EDIL3: variants seen among roughly 807,000 people sequenced by gnomAD.
The protein encoded by EDIL3 is EGF-like repeat and discoidin I-like domain-containing protein 3.
EDIL3 carries 37 observed loss-of-function variants against 67.4 expected under a neutral mutation model. That is an observed-to-expected ratio of 0.55 (90% CI 0.42 to 0.72). The LOEUF is 0.72. Ranked by LOEUF, EDIL3 falls within the 30% of genes least tolerant of loss-of-function variation. EDIL3 has a pLI of 0.00. For synonymous variants in EDIL3, 195 were observed against 196.3 expected, an observed-to-expected ratio of 0.99 and a Z score of 0.05; for missense variants, 527 against 586.3, an observed-to-expected ratio of 0.90 and a Z score of 1.04.
At chr5:84,111,510 C>A (rs1407072628) in intron 5 of EDIL3, among the ~76,000 whole-genome samples, 1 of 152,150 alleles carries the variant, frequency 6.6e-6, no homozygotes, top group Non-Finnish European at 1.5e-5. Context: ...TTTATTGAAG[C>A]CCTTCTACAT....
At chr5:84,132,839 TATG>T (rs1485051155) in intron 5 of EDIL3, among the ~76,000 whole-genome samples, 2 of 151,768 alleles carry the variant, frequency 1.3e-5, no homozygotes, top group African/African-American at 2.4e-5. Context: ...ACTGGATAAT[TATG>T]ATATTTGGAA....
chr5:84,087,965 A>ACCCTTCAAGAAGTC (rs1320601629), intron 6 of EDIL3, among the ~76,000 whole-genome samples: 49 of 152,308 alleles, frequency 3.2e-4, no homozygotes, highest in African/African-American at 1.2e-3. Flanking sequence ...AGAATGAAGT[A>ACCCTTCAAGAAGTC]CCCTTCAAGA....
At chr5:84,198,970 G>A (rs766889490) in intron 3 of EDIL3, among the ~76,000 whole-genome samples, 4 of 152,112 alleles carry the variant, frequency 2.6e-5, no homozygotes, top group South Asian at 4.1e-4. Flanking sequence ...TAAGACCTCC[G>A]TGTAAAGAAC....
intron 1 of EDIL3, among the ~76,000 whole-genome samples, chr5:84,293,077 G>A (rs1004770277): frequency 2.6e-5 from 4 of 152,010 alleles, no homozygotes; most frequent in African/African-American, 9.7e-5. Context: ...CCTTTTATGG[G>A]CTGACCCCTC....
intron 1 of EDIL3, among the ~76,000 whole-genome samples, chr5:84,263,185 G>T (rs1225365411): frequency 6.6e-6 from 1 of 152,168 alleles, no homozygotes; most frequent in African/African-American, 2.4e-5. Context: ...GTCCAAGAAA[G>T]CATGAGAGAG....
intron 4 of EDIL3, among the ~76,000 whole-genome samples, chr5:84,146,053 T>C (rs759560271): frequency 4.6e-5 from 7 of 152,146 alleles, no homozygotes; most frequent in Non-Finnish European, 1.0e-4. Context: ...ATTCTGTTTA[T>C]AATTTTACAG....
chr5:84,048,895 C>A (rs1727928707), intron 9 of EDIL3, among the ~76,000 whole-genome samples: 2 of 152,082 alleles, frequency 1.3e-5, no homozygotes, highest in Admixed American at 1.3e-4. Context: ...CAATTAATAG[C>A]ATGATCATTA....
Position 84,249,210 on chromosome 5 carries a change from G to A in EDIL3, c.196+4874C>T, listed in dbSNP as rs372720489. 2.3e-4 allele frequency among the ~76,000 whole-genome samples: 35 copies of A among 151,896 alleles called. No homozygotes were observed. In the South Asian group the frequency reaches 7.1e-3, roughly 31 times the overall value. ...CTGTCTGGAATAGGTTTTGTTGTTT[G>A]TTGTAGTTTTTAGTCTGCAATAGAT... On this transcript the variant is annotated intron_variant, in intron 2 of 10. Coordinates refer to ENST00000296591, the MANE Select transcript of EDIL3 (RefSeq NM_005711.5).
chr5:83,969,183 C>T (rs1744748770), intron 9 of EDIL3, among the ~76,000 whole-genome samples: 1 of 151,526 alleles, frequency 6.6e-6, no homozygotes, highest in Non-Finnish European at 1.5e-5. Flanking sequence ...TATATATGTA[C>T]TTATTTATAC....
intron 9 of EDIL3, among the ~76,000 whole-genome samples, chr5:83,979,093 A>AATTACAGAC (rs1394014152): frequency 1.3e-5 from 2 of 152,114 alleles, no homozygotes; most frequent in African/African-American, 4.8e-5. Context: ...CCCATAGAAA[A>AATTACAGAC]ATTACAGACA....
intron 1 of EDIL3, among the ~76,000 whole-genome samples, chr5:84,266,461 C>A (rs1305368159): frequency 1.3e-5 from 2 of 152,176 alleles, no homozygotes; most frequent in African/African-American, 2.4e-5. Flanking sequence ...TGGTTGAATT[C>A]TCTACACAGT....
At chr5:84,183,524 T>G (rs1749050785) in intron 3 of EDIL3, among the ~76,000 whole-genome samples, 1 of 152,198 alleles carries the variant, frequency 6.6e-6, no homozygotes. Context: ...GGAGATCACT[T>G]AATCCAACTT....
chr5:84,370,927 G>C (rs1480436044), intron 1 of EDIL3, among the ~76,000 whole-genome samples: 1 of 152,050 alleles, frequency 6.6e-6, no homozygotes, highest in South Asian at 2.1e-4. Flanking sequence ...ATGCATGCAT[G>C]CATGCATGCA....
intron 10 of EDIL3, among the ~76,000 whole-genome samples, chr5:83,954,738 T>C (rs1003065733): frequency 6.6e-6 from 1 of 151,756 alleles, no homozygotes; most frequent in Non-Finnish European, 1.5e-5. Flanking sequence ...ACTTAAACTA[T>C]CAAAATAATG....
At chr5:84,382,900 A>G (rs1460150889) in intron 1 of EDIL3, among the ~76,000 whole-genome samples, 1 of 152,024 alleles carries the variant, frequency 6.6e-6, no homozygotes, top group Non-Finnish European at 1.5e-5. Flanking sequence ...AGGCCCAGGC[A>G]AGGCGCGGCC....
At chr5:84,037,104 T>C (rs958924462) in intron 9 of EDIL3, among the ~76,000 whole-genome samples, 1 of 152,158 alleles carries the variant, frequency 6.6e-6, no homozygotes, top group African/African-American at 2.4e-5. Context: ...CATCAAGGTA[T>C]GCCCCAGCAT....
At chr5:84,217,358 T>C (rs1744249356) in intron 3 of EDIL3, among the ~76,000 whole-genome samples, 1 of 152,230 alleles carries the variant, frequency 6.6e-6, no homozygotes. Context: ...TTTCTGGTTC[T>C]CTGAGATAGT....
At chr5:84,123,550 T>C (rs906593988) in intron 5 of EDIL3, among the ~76,000 whole-genome samples, 9 of 151,968 alleles carry the variant, frequency 5.9e-5, no homozygotes, top group Non-Finnish European at 1.0e-4. Context: ...AATAAATCAA[T>C]TGATTATGTT....
chr5:84,104,112 T>C (rs1747415725), intron 6 of EDIL3, among the ~76,000 whole-genome samples: 2 of 152,002 alleles, frequency 1.3e-5, no homozygotes, highest in South Asian at 4.1e-4. Flanking sequence ...AGCAAACTAA[T>C]GTGGGAACAG....
Sources: allele counts gnomAD v4.1 joint callset (sites outside exome capture counted in the v4.1 genomes callset), GRCh38; gene constraint gnomAD v4.1.1; transcripts MANE v1.5; gene names NCBI Gene and HGNC (gene_info 2026-07-23, HGNC 2026-07-21).